The following DNAH9 variants were observed in gnomAD, a reference collection of about 807,000 sequenced individuals.
DNAH9 encodes dynein axonemal heavy chain 9, also known as DNAH9 variant protein.
DNAH9 carries 345 observed loss-of-function variants against 471.6 expected under a neutral mutation model. That is an observed-to-expected ratio of 0.73 (90% confidence interval 0.67 to 0.80). The LOEUF (loss-of-function observed/expected upper bound fraction) is 0.80. Among genes scored for constraint, DNAH9 ranks in the 30% least tolerant of loss-of-function variants. The pLI is 0.00. For missense variants in DNAH9, 5,407 were observed against 5,609.2 expected (o/e 0.96, Z 1.15); for synonymous variants, 2,093 against 2,123.6 (o/e 0.99, Z 0.40).
chr17:11,877,554 A>T (rs1233042506), intron 53 of DNAH9, among the ~76,000 whole-genome samples: 1 of 149,956 alleles, frequency 6.7e-6, no homozygotes, highest in East Asian at 2.0e-4. Flanking sequence ...GAAACCTAAG[A>T]TTTATCCACT....
chr17:11,619,341 G>A (rs1463025579), intron 5 of DNAH9, among the ~76,000 whole-genome samples: 2 of 152,140 alleles, frequency 1.3e-5, no homozygotes, highest in Non-Finnish European at 2.9e-5. Flanking sequence ...GCCCATTCCT[G>A]AGCCAATCAC....
intron 56 of DNAH9, among the ~76,000 whole-genome samples, chr17:11,886,004 CT>C (rs200825590): frequency 0.016 from 2,485 of 152,294 alleles, 37 homozygotes; most frequent in Middle Eastern, 0.065. Context: ...ATCCTGAGGT[CT>C]CCTTTCTTAT....
chr17:11,752,119 A>C (rs920742902), intron 32 of DNAH9, among the ~76,000 whole-genome samples: 3 of 152,230 alleles, frequency 2.0e-5, no homozygotes, highest in South Asian at 4.1e-4. Flanking sequence ...GTACCATACT[A>C]TTAACTAGGG....
At chr17:11,683,429 C>T (rs2074173332) in intron 19 of DNAH9, among the ~76,000 whole-genome samples, 4 of 152,196 alleles carry the variant, frequency 2.6e-5, no homozygotes, top group Admixed American at 2.0e-4. Context: ...ACCTTGGCCT[C>T]CCAAAGTGCT....
chr17:11,786,641 A>G (rs1968879789), intron 41 of DNAH9, among the ~76,000 whole-genome samples: 1 of 152,230 alleles, frequency 6.6e-6, no homozygotes, highest in Non-Finnish European at 1.5e-5. Context: ...GCGTGACTGC[A>G]TGATCGCATA....
chr17:11,814,242 C>T (rs72813327), intron 45 of DNAH9, among the ~76,000 whole-genome samples: 1 of 152,200 alleles, frequency 6.6e-6, no homozygotes, highest in East Asian at 1.9e-4. Flanking sequence ...GAAAAAAAAT[C>T]AGAATTATTC....
rs1567653092 is a variant in DNAH9 at position 11,598,797 on chromosome 17, CG to C, written c.300del (p.Leu101PhefsTer33). On this transcript the variant is annotated frameshift_variant, in exon 1 of 69. Transcript: ENST00000262442. LOFTEE classifies it high-confidence loss of function. Reference protein sequence around the residue: ...GPESGLAGAKALFFLRTGPEP... With the variant: ...GPESGLAGAKXLFFLRTGPEP... The stretch of plus-strand genomic sequence containing the variant: ...GAGTCGGGCCTGGCTGGCGCTAAGG[CG>C]CTTTTTTTCCTTCGCACCGGGCCCG... The C allele has an allele frequency of 2.7e-6, 4 of 1,478,494 alleles. No individual in the cohort carries two copies. The highest frequency in any genetic ancestry group is 5.6e-5 in the East Asian group (2 of 35,626). The allele number at this position is 1,478,494 out of a possible 1,614,324, so 91.6% of individuals were successfully genotyped here.
chr17:11,819,095 G>A (rs1970214377), intron 45 of DNAH9, among the ~76,000 whole-genome samples: 2 of 151,914 alleles, frequency 1.3e-5, no homozygotes, highest in South Asian at 2.1e-4. Flanking sequence ...CATCCTGAAC[G>A]TTTTTTAATT....
intron 10 of DNAH9, among the ~76,000 whole-genome samples, chr17:11,643,248 T>A (rs1350481850): frequency 6.6e-6 from 1 of 152,264 alleles, no homozygotes; most frequent in Non-Finnish European, 1.5e-5. Context: ...TCCATTTGTG[T>A]GTGCACACTT....
chr17:11,885,783 G>T (rs1033075155), intron 56 of DNAH9, among the ~76,000 whole-genome samples: 2 of 152,098 alleles, frequency 1.3e-5, no homozygotes, highest in African/African-American at 2.4e-5. Context: ...GTTTTGTTTT[G>T]TTTTGGAAAG....
rs142306643 is a variant in DNAH9, at chr17:11,828,095, A to G, written c.9246+5061A>G. Among the ~76,000 whole-genome samples the G allele has an allele frequency of 3.3e-5, 5 of 152,274 alleles. 1 individual carries two copies. The highest frequency in any genetic ancestry group is 1.2e-4 in the African/African-American group (5 of 41,530). Reference sequence around the variant, plus strand: ...GATATCTTTTACCTTCATAGCCACAAGACCCTTCTAACTAGTTTATTTGCT... The same window carrying G: ...GATATCTTTTACCTTCATAGCCACAGGACCCTTCTAACTAGTTTATTTGCT... On this transcript the variant is annotated intron_variant, in intron 48 of 68. Coordinates refer to ENST00000262442, the MANE Select transcript of DNAH9 (RefSeq NM_001372.4).
intron 49 of DNAH9, among the ~76,000 whole-genome samples, chr17:11,851,139 T>TC (rs957004102): frequency 2.0e-5 from 3 of 151,446 alleles, no homozygotes; most frequent in Admixed American, 1.3e-4. Context: ...AGATGGAGTT[T>TC]CATTCTTGTC....
rs149294395 is a variant in DNAH9, at chr17:11,705,082, G to A, written c.5449G>A (p.Glu1817Lys). The A allele has an allele frequency of 7.1e-5, 114 of 1,614,122 alleles. 1 individual carries two copies. In the African/African-American group the frequency reaches 1.2e-3, roughly 17 times the overall value. ...LSQLRHRWDD[E>K]VKHCFANICD... ...TCAGCTGCGCCATCGTTGGGATGAC[G>A]AGGTCAAACACTGCTTTGCCAACAT... Residue 1817 changes from glutamate (E) to lysine (K), a missense_variant, in exon 26 of 69, where the codon GAG becomes AAG. By Grantham distance (56) the Glu-to-Lys change is moderately conservative. Transcript: ENST00000262442.
chr17:11,736,063 C>T (rs1475469364), intron 28 of DNAH9, among the ~76,000 whole-genome samples: 3 of 152,070 alleles, frequency 2.0e-5, no homozygotes, highest in African/African-American at 2.4e-5. Context: ...AAAATAGCAT[C>T]GAATTTCTAC....
Position 11,690,039 on chromosome 17 carries a change from C to A in DNAH9, c.4217C>A (p.Ala1406Glu). The change falls in exon 20 of 69, where the codon GCG becomes GAG. Residue 1406 changes from alanine to glutamate, a missense_variant. By Grantham distance (107) the Ala-to-Glu change is moderately radical (BLOSUM62 -1). Around this residue, in one of 3 missense-constraint regions of DNAH9, gnomAD observed 4,636 missense variants for 4,900.3 expected, o/e 0.95. Coordinates refer to ENST00000262442, the MANE Select transcript of DNAH9 (RefSeq NM_001372.4). ...ACTATGGACCAGGACACCACCCTAG[C>A]GCACCTGCTGCAGCTCCAGCTGCAC... ...SFTMDQDTTL[A>E]HLLQLQLHHY... 1 of 1,614,168 alleles carries A rather than the reference C, an allele frequency of 6.2e-7. No homozygotes were observed. Among genetic ancestry groups the A allele is most frequent in the African/African-American group, 1.3e-5 (1 of 75,044 alleles).
chr17:11,926,541 G>C (rs891149183), intron 62 of DNAH9, among the ~76,000 whole-genome samples: 1 of 152,164 alleles, frequency 6.6e-6, no homozygotes, highest in African/African-American at 2.4e-5. Flanking sequence ...GTTTGCTGAG[G>C]GTAACGGCTT....
chr17:11,785,555 A>C (rs2150900256), intron 41 of DNAH9, among the ~76,000 whole-genome samples: 2 of 152,264 alleles, frequency 1.3e-5, no homozygotes, highest in South Asian at 4.1e-4. Flanking sequence ...CCTGGTTCAG[A>C]GACTCAAGAG....
intron 50 of DNAH9, among the ~76,000 whole-genome samples, chr17:11,855,492 A>G (rs1971594738): frequency 6.6e-6 from 1 of 152,180 alleles, no homozygotes; most frequent in Non-Finnish European, 1.5e-5. Context: ...AAAGATCAGC[A>G]ATGAAGCTGG....
chr17:11,777,155 C>T (rs1968468445), intron 38 of DNAH9, among the ~76,000 whole-genome samples: 2 of 152,280 alleles, frequency 1.3e-5, no homozygotes, highest in Non-Finnish European at 2.9e-5. Context: ...GAAGAGATGG[C>T]TCTGTACCAG....
Sources: allele counts gnomAD v4.1 joint callset (sites outside exome capture counted in the v4.1 genomes callset), GRCh38; gene constraint gnomAD v4.1.1; regional missense constraint gnomAD v4.1.1; transcripts MANE v1.5; gene names NCBI Gene and HGNC (gene_info 2026-07-23, HGNC 2026-07-21).